The following PIK3C2G variants were observed in gnomAD, a reference collection of about 807,000 sequenced individuals.
The protein encoded by PIK3C2G is phosphatidylinositol-4-phosphate 3-kinase catalytic subunit type 2 gamma, also known as phosphatidylinositol 3-kinase C2 domain-containing subunit gamma.
Under a neutral mutation model 181.1 loss-of-function variants are expected in PIK3C2G, and 168 were observed. The ratio of observed to expected loss-of-function variants is 0.93; its 90% CI spans 0.82 to 1.05. The LOEUF (loss-of-function observed/expected upper bound fraction) is 1.05. Among genes scored for constraint, PIK3C2G ranks in the 50% least tolerant of loss-of-function variants. The pLI, the probability that PIK3C2G is intolerant of heterozygous loss-of-function variation, is 0.00. For synonymous variants in PIK3C2G, 573 were observed against 592.2 expected, an observed-to-expected ratio of 0.97 and a Z score of 0.47; for missense variants, 1,869 against 1,732.8, an observed-to-expected ratio of 1.08 and a Z score of -1.40.
chr12:18,432,339 T>C (rs1946208258), intron 18 of PIK3C2G, among the ~76,000 whole-genome samples: 1 of 152,138 alleles, frequency 6.6e-6, no homozygotes, highest in African/African-American at 2.4e-5. Flanking sequence ...GAACATTATG[T>C]ATATACATAA....
intron 18 of PIK3C2G, among the ~76,000 whole-genome samples, chr12:18,429,737 A>G (rs1946046506): frequency 6.6e-6 from 1 of 152,190 alleles, no homozygotes; most frequent in South Asian, 2.1e-4. Context: ...CTGTAAGGCC[A>G]TCAATATTTT....
intron 16 of PIK3C2G, among the ~76,000 whole-genome samples, chr12:18,411,310 T>G (rs986224692): frequency 3.9e-5 from 6 of 152,166 alleles, no homozygotes; most frequent in African/African-American, 1.4e-4. Context: ...GATGATAGTT[T>G]CAGTGACACA....
At chr12:18,565,838 C>G (rs191079542) in intron 28 of PIK3C2G, among the ~76,000 whole-genome samples, 1 of 152,162 alleles carries the variant, frequency 6.6e-6, no homozygotes, top group African/African-American at 2.4e-5. Flanking sequence ...AAAACTCACA[C>G]GGACATGTGA....
At chr12:18,514,598 T>C (rs1173485016) in intron 24 of PIK3C2G, among the ~76,000 whole-genome samples, 2 of 151,960 alleles carry the variant, frequency 1.3e-5, no homozygotes, top group Non-Finnish European at 2.9e-5. Context: ...TTTTGTATCC[T>C]GCAACTTTAT....
At chr12:18,661,043 T>A in the PIK3C2G span, among the ~76,000 whole-genome samples, 4 of 151,882 alleles carry the variant, frequency 2.6e-5, no homozygotes, top group Non-Finnish European at 1.5e-5. Flanking sequence ...AATTGAAGGG[T>A]ATATATATGA....
At chr12:18,252,738 G>A (rs767419702) in intron 1 of PIK3C2G, among the ~76,000 whole-genome samples, 1 of 152,150 alleles carries the variant, frequency 6.6e-6, no homozygotes, top group Non-Finnish European at 1.5e-5. Flanking sequence ...TATGTATGAG[G>A]AGGGTACCTC....
chr12:18,610,502 C>G (rs1363989675), intron 31 of PIK3C2G, among the ~76,000 whole-genome samples: 1 of 152,098 alleles, frequency 6.6e-6, no homozygotes, highest in East Asian at 1.9e-4. Flanking sequence ...ATGTTCATTA[C>G]AAATTCATTA....
At chr12:18,518,454 CA>C (rs1186755810) in intron 24 of PIK3C2G, among the ~76,000 whole-genome samples, 1 of 151,932 alleles carries the variant, frequency 6.6e-6, no homozygotes, top group Admixed American at 6.6e-5. Flanking sequence ...CCTCTTGGTT[CA>C]ATATTGGGAG....
rs751221657 is a variant in PIK3C2G, at chr12:18,338,566, T to C, written c.1395+18T>C. Reference sequence around the variant, plus strand: ...AAGGAGAGGTAAGTACATTCATTTATTACACAGTAGTTTTAAACCTGAGTT... The same window carrying C: ...AAGGAGAGGTAAGTACATTCATTTACTACACAGTAGTTTTAAACCTGAGTT... On this transcript the variant is annotated intron_variant, in intron 9 of 32. Coordinates refer to ENST00000538779, the MANE Select transcript of PIK3C2G (RefSeq NM_001288772.2). The C allele has an allele frequency of 7.8e-6, 12 of 1,539,376 alleles. No homozygotes were observed. The South Asian group carries it at 1.4e-4, about 18-fold the overall frequency.
chr12:18,482,216 A>G (rs953188558), intron 18 of PIK3C2G, among the ~76,000 whole-genome samples: 5 of 147,002 alleles, frequency 3.4e-5, no homozygotes, highest in African/African-American at 1.3e-4. Context: ...TAGCTTAGGA[A>G]TAGAAGATAT....
chr12:18,701,443 G>A, the PIK3C2G span: 2 of 1,608,824 alleles, frequency 1.2e-6, no homozygotes, highest in South Asian at 2.2e-5. Flanking sequence ...AAATCTCCAA[G>A]AATAAAATTA....
At chr12:18,570,015 A>T (rs1431732466) in intron 29 of PIK3C2G, among the ~76,000 whole-genome samples, 1 of 152,036 alleles carries the variant, frequency 6.6e-6, no homozygotes, top group East Asian at 1.9e-4. Context: ...TTGCTCTATC[A>T]TGTCTTCTGA....
At chr12:18,326,824 T>C (rs1283766203) in intron 8 of PIK3C2G, among the ~76,000 whole-genome samples, 1 of 152,138 alleles carries the variant, frequency 6.6e-6, no homozygotes, top group African/African-American at 2.4e-5. Flanking sequence ...CTCTTTACTA[T>C]GTGTAGAAAT....
chr12:18,525,224 C>T (rs1158888839), intron 24 of PIK3C2G, among the ~76,000 whole-genome samples: 1 of 151,842 alleles, frequency 6.6e-6, no homozygotes, highest in Non-Finnish European at 1.5e-5. Context: ...AACCCCGTCC[C>T]TACTAAAAAT....
chr12:18,274,669 G>C (rs1180807441), intron 1 of PIK3C2G, among the ~76,000 whole-genome samples: 1 of 152,116 alleles, frequency 6.6e-6, no homozygotes, highest in Admixed American at 6.6e-5. Context: ...GGGGGCAGGG[G>C]GGAGGGATAG....
chr12:18,270,489 G>T (rs1265652128), intron 1 of PIK3C2G, among the ~76,000 whole-genome samples: 1 of 151,960 alleles, frequency 6.6e-6, no homozygotes, highest in Non-Finnish European at 1.5e-5. Context: ...GTGGCCCAAG[G>T]ACTACTACTG....
intron 18 of PIK3C2G, among the ~76,000 whole-genome samples, chr12:18,441,939 G>A (rs1026312351): frequency 1.3e-5 from 2 of 152,030 alleles, no homozygotes; most frequent in African/African-American, 2.4e-5. Context: ...ACGTCTATCT[G>A]TGTATTTTTC....
At chr12:18,294,477 C>T (rs1051158728) in intron 5 of PIK3C2G, among the ~76,000 whole-genome samples, 1 of 151,576 alleles carries the variant, frequency 6.6e-6, no homozygotes, top group African/African-American at 2.4e-5. Flanking sequence ...ATCACAGGGG[C>T]CTTAAGTATA....
At chr12:18,705,809 C>A in the PIK3C2G span, among the ~76,000 whole-genome samples, 1 of 151,854 alleles carries the variant, frequency 6.6e-6, no homozygotes, top group Admixed American at 6.6e-5. Context: ...GAGATTACAA[C>A]GAGCCGAGGT....
Sources: allele counts gnomAD v4.1 joint callset (sites outside exome capture counted in the v4.1 genomes callset), GRCh38; gene constraint gnomAD v4.1.1; transcripts MANE v1.5; gene names NCBI Gene and HGNC (gene_info 2026-07-23, HGNC 2026-07-21).